CA10: variants seen among roughly 807,000 people sequenced by gnomAD.
CA10 encodes carbonic anhydrase-related protein 10.
In CA10, 14 loss-of-function variants were observed where a neutral mutation model predicts 44.2. That is an observed-to-expected ratio of 0.32 (90% CI 0.21 to 0.50). The LOEUF (loss-of-function observed/expected upper bound fraction) is 0.50. Among genes scored for constraint, CA10 ranks in the 20% least tolerant of loss-of-function variants. CA10 has a pLI of 0.99. For synonymous variants in CA10, 159 were observed against 141.6 expected (o/e 1.12, Z -0.87); for missense variants, 350 against 409.7 (o/e 0.85, Z 1.26).
intron 4 of CA10, among the ~76,000 whole-genome samples, chr17:51,720,335 G>A (rs1262698791): frequency 6.6e-6 from 1 of 152,082 alleles, no homozygotes; most frequent in Non-Finnish European, 1.5e-5. Flanking sequence ...AGTATCTTTT[G>A]TTATTCATAA....
At chr17:51,963,015 A>T (rs1381220845) in intron 2 of CA10, among the ~76,000 whole-genome samples, 1 of 152,194 alleles carries the variant, frequency 6.6e-6, no homozygotes, top group East Asian at 1.9e-4. Context: ...AGTCAACACA[A>T]ATAAACTCCT....
chr17:51,879,987 TG>T (rs1980290173), intron 3 of CA10, among the ~76,000 whole-genome samples: 1 of 152,204 alleles, frequency 6.6e-6, no homozygotes, highest in Admixed American at 6.5e-5. Context: ...CTAGACATAA[TG>T]AACAATTTGC....
intron 2 of CA10, among the ~76,000 whole-genome samples, chr17:51,959,288 G>C (rs62070792): frequency 0.56 from 61,681 of 109,546 alleles, 14,570 homozygotes; most frequent in African/African-American, 0.65. Context: ...CTCTCTGTGT[G>C]TGTGTGTGTG....
Position 51,935,467 on chromosome 17 carries a change from C to T in CA10, c.137-4335G>A, listed in dbSNP as rs1364406565. The stretch of plus-strand genomic sequence containing the variant: ...GTTTGAATTCCATCATCCTTGGCAT[C>T]CTTTTTGTACAATCTTCTAATTTAC... On this transcript the variant is annotated intron_variant, in intron 2 of 8. Coordinates refer to ENST00000451037, the MANE Select transcript of CA10 (RefSeq NM_020178.5). Among the ~76,000 whole-genome samples, 6 of 152,252 alleles carry T rather than the reference C, an allele frequency of 3.9e-5. 1 individual carries two copies. In the East Asian group the frequency reaches 7.7e-4, roughly 20 times the overall value.
At chr17:52,003,267 A>G (rs1383184906) in intron 2 of CA10, among the ~76,000 whole-genome samples, 1 of 151,650 alleles carries the variant, frequency 6.6e-6, no homozygotes, top group Admixed American at 6.6e-5. Flanking sequence ...GTCTTCCCTC[A>G]CCCCTTTTTC....
At chr17:51,758,387 A>G (rs980764285) in intron 3 of CA10, among the ~76,000 whole-genome samples, 2 of 152,240 alleles carry the variant, frequency 1.3e-5, no homozygotes, top group African/African-American at 4.8e-5. Context: ...TGGTAATGAC[A>G]AAAGACACAG....
At chr17:51,702,115 T>C (rs1915623548) in intron 4 of CA10, among the ~76,000 whole-genome samples, 1 of 146,966 alleles carries the variant, frequency 6.8e-6, no homozygotes, top group South Asian at 2.1e-4. Flanking sequence ...CTAAAAATCA[T>C]TCATTTGTTC....
intron 2 of CA10, among the ~76,000 whole-genome samples, chr17:51,983,057 C>T (rs975760697): frequency 9.2e-5 from 14 of 151,850 alleles, no homozygotes; most frequent in African/African-American, 3.1e-4. Context: ...TCTACTTTCA[C>T]ATCTTTGAGT....
At chr17:51,909,464 C>A (rs202127) in intron 3 of CA10, among the ~76,000 whole-genome samples, 22 of 152,056 alleles carry the variant, frequency 1.4e-4, no homozygotes, top group African/African-American at 3.9e-4. Flanking sequence ...GCTCAGTGTC[C>A]TCTGCTCTTT....
intron 3 of CA10, among the ~76,000 whole-genome samples, chr17:51,895,681 T>C (rs1013834422): frequency 6.6e-6 from 1 of 152,096 alleles, no homozygotes; most frequent in Non-Finnish European, 1.5e-5. Context: ...AAATTCAAGA[T>C]AATTTTTAAC....
chr17:51,964,742 T>C (rs1272977452), intron 2 of CA10, among the ~76,000 whole-genome samples: 1 of 151,878 alleles, frequency 6.6e-6, no homozygotes, highest in Non-Finnish European at 1.5e-5. Context: ...AAAGTCTCTG[T>C]GATGCAGCAA....
intron 2 of CA10, among the ~76,000 whole-genome samples, chr17:52,012,188 G>A (rs1484075302): frequency 6.6e-6 from 1 of 151,956 alleles, no homozygotes; most frequent in East Asian, 1.9e-4. Context: ...TGAAGAAACT[G>A]AGGGGAAAAA....
chr17:51,922,908 C>T (rs940871784), intron 3 of CA10, among the ~76,000 whole-genome samples: 1 of 152,118 alleles, frequency 6.6e-6, no homozygotes, highest in African/African-American at 2.4e-5. Context: ...CTAAGCCTTT[C>T]CTTGTTGGTT....
At chr17:52,110,030 G>A (rs569909102) in intron 1 of CA10, among the ~76,000 whole-genome samples, 3 of 152,204 alleles carry the variant, frequency 2.0e-5, no homozygotes, top group Non-Finnish European at 2.9e-5. Context: ...AATCTCATCC[G>A]CATGACTATT....
At chr17:51,982,882 C>A (rs373068138) in intron 2 of CA10, among the ~76,000 whole-genome samples, 4 of 151,892 alleles carry the variant, frequency 2.6e-5, no homozygotes, top group African/African-American at 9.6e-5. Context: ...GATGAGGGAC[C>A]AATGACCCGT....
intron 3 of CA10, among the ~76,000 whole-genome samples, chr17:51,875,321 G>T (rs8068272): frequency 0.023 from 3,515 of 152,218 alleles, 57 homozygotes; most frequent in Middle Eastern, 0.048. Flanking sequence ...TAGAAAGGCA[G>T]TTTTGACCTG....
chr17:52,111,427 T>C (rs901305446), intron 1 of CA10, among the ~76,000 whole-genome samples: 17 of 152,322 alleles, frequency 1.1e-4, no homozygotes, highest in African/African-American at 3.8e-4. Context: ...TTAAATAATG[T>C]ACTTTTTCTT....
chr17:52,134,632 C>T (rs1352493381), intron 1 of CA10, among the ~76,000 whole-genome samples: 1 of 151,962 alleles, frequency 6.6e-6, no homozygotes, highest in Non-Finnish European at 1.5e-5. Flanking sequence ...GTTCTTATGC[C>T]CTGGCATACT....
At chr17:51,996,104 A>T (rs1354023740) in intron 2 of CA10, among the ~76,000 whole-genome samples, 2 of 152,064 alleles carry the variant, frequency 1.3e-5, no homozygotes, top group Non-Finnish European at 2.9e-5. Context: ...TAATAAATAA[A>T]GCATTTTTGT....
Sources: allele counts gnomAD v4.1 joint callset (sites outside exome capture counted in the v4.1 genomes callset), GRCh38; gene constraint gnomAD v4.1.1; transcripts MANE v1.5; gene names NCBI Gene and HGNC (gene_info 2026-07-23, HGNC 2026-07-21).